The following TRAPPC9 variants were observed in gnomAD, a reference collection of about 807,000 sequenced individuals.
The protein encoded by TRAPPC9 is trafficking protein particle complex subunit 9.
A neutral mutation model predicts 124.0 loss-of-function variants in TRAPPC9; 83 were observed. That is an observed-to-expected ratio of 0.67 (90% confidence interval 0.56 to 0.80). The LOEUF is 0.80. Ranked by LOEUF, TRAPPC9 falls within the 30% of genes least tolerant of loss-of-function variation. The pLI is 0.00. For missense variants in TRAPPC9, 1,302 were observed against 1,508.3 expected, an observed-to-expected ratio of 0.86 and a Z score of 2.27; for synonymous variants, 638 against 617.5, an observed-to-expected ratio of 1.03 and a Z score of -0.49.
At chr8:140,036,726 G>A (rs1157822118) in intron 17 of TRAPPC9, among the ~76,000 whole-genome samples, 1 of 152,224 alleles carries the variant, frequency 6.6e-6, no homozygotes, top group African/African-American at 2.4e-5. Flanking sequence ...GAGCCCATCT[G>A]TCCAGAGAGA....
At chr8:139,770,640 G>A (rs1215404919) in intron 21 of TRAPPC9, among the ~76,000 whole-genome samples, 4 of 152,222 alleles carry the variant, frequency 2.6e-5, no homozygotes, top group East Asian at 3.8e-4. Context: ...GGAAACCATG[G>A]CAGATGCTCT....
chr8:140,353,746 T>G lies in TRAPPC9; in HGVS notation c.1495+6304A>C, dbSNP rs547985226. On this transcript the variant is annotated intron_variant, in intron 9 of 22. Transcript: ENST00000438773. This position sits in a 1 kb window ranked among gnomAD's most constrained non-coding sequence, Gnocchi z 4.2. ...TTAAAATTGCCAGTTAGAAGAAATA[T>G]CCATTTGGTAGCATAGTAGAAGGTG... Among the ~76,000 whole-genome samples, 1 of 152,268 alleles carries G rather than the reference T, an allele frequency of 6.6e-6. No individual in the cohort carries two copies. Among genetic ancestry groups the G allele is most frequent in the East Asian group, 1.9e-4 (1 of 5,180 alleles).
Position 140,000,464 on chromosome 8 carries a change from A to C in TRAPPC9, c.2700-11628T>G, listed in dbSNP as rs537604827. Among the ~76,000 whole-genome samples, 5 of 152,372 alleles carry C rather than the reference A, an allele frequency of 3.3e-5. No individual in the cohort carries two copies. In the South Asian group the frequency reaches 8.3e-4, roughly 25 times the overall value. On this transcript the variant is annotated intron_variant, in intron 18 of 22. Coordinates refer to ENST00000438773, the MANE Select transcript of TRAPPC9 (RefSeq NM_001160372.4). ...ACAGGCAACCTACAGAATGGGAGAA[A>C]ATTTTTGCAATCTACCTATCTGACA... is the stretch of plus-strand genomic sequence containing the variant.
At chr8:140,113,445 C>A (rs931973749) in intron 17 of TRAPPC9, among the ~76,000 whole-genome samples, 4 of 152,242 alleles carry the variant, frequency 2.6e-5, no homozygotes, top group African/African-American at 9.6e-5. Flanking sequence ...GCAGGATGAA[C>A]TGTTTTAAAA....
upstream of TRAPPC9, chr8:140,458,306 A>C: frequency 6.4e-7 from 1 of 1,565,172 alleles, no homozygotes; most frequent in Non-Finnish European, 8.7e-7. Context: ...CGCAGCTCAA[A>C]TTTCACTTCC....
At chr8:140,358,710 G>A (rs181797173) in intron 9 of TRAPPC9, among the ~76,000 whole-genome samples, 2 of 152,176 alleles carry the variant, frequency 1.3e-5, no homozygotes, top group African/African-American at 2.4e-5. Context: ...CTGAGGGAGT[G>A]GGGTCGCCAC....
At chr8:139,731,845 C>T (rs2129932658) in intron 22 of TRAPPC9, 134 bp downstream of exon 22, 2 of 820,120 alleles carry the variant, frequency 2.4e-6, no homozygotes, top group South Asian at 3.0e-5. Flanking sequence ...ACTCAGTGTG[C>T]ACACGTGACC....
At chr8:140,442,840 T>A (rs2071072214) in intron 2 of TRAPPC9, among the ~76,000 whole-genome samples, 1 of 151,500 alleles carries the variant, frequency 6.6e-6, no homozygotes, top group African/African-American at 2.4e-5. Context: ...TTACACAGTT[T>A]AAGAAGTCTT....
chr8:140,138,220 T>C (rs2061334306), intron 17 of TRAPPC9, among the ~76,000 whole-genome samples: 1 of 152,132 alleles, frequency 6.6e-6, no homozygotes, highest in African/African-American at 2.4e-5. Context: ...AAGAATCACT[T>C]GAATCTGGGA....
chr8:139,936,622 C>T (rs545961510), intron 19 of TRAPPC9, among the ~76,000 whole-genome samples: 17 of 152,230 alleles, frequency 1.1e-4, no homozygotes, highest in Admixed American at 2.6e-4. Flanking sequence ...ACACACAGGA[C>T]GAGTGGGCAC....
intron 16 of TRAPPC9, among the ~76,000 whole-genome samples, chr8:140,227,659 A>T (rs758319348): frequency 3.9e-5 from 6 of 152,230 alleles, no homozygotes; most frequent in Non-Finnish European, 8.8e-5. Flanking sequence ...CTGAAAGCAG[A>T]ATTTGTGCAG....
At chr8:139,773,018 C>T (rs989188190) in intron 21 of TRAPPC9, among the ~76,000 whole-genome samples, 5 of 152,256 alleles carry the variant, frequency 3.3e-5, no homozygotes, top group African/African-American at 1.2e-4. Context: ...GTGTTCCTTT[C>T]CAGCCTAAAG....
chr8:139,761,880 T>G (rs992860957), intron 21 of TRAPPC9, among the ~76,000 whole-genome samples: 1 of 151,588 alleles, frequency 6.6e-6, no homozygotes, highest in African/African-American at 2.4e-5. Flanking sequence ...CATCTGCTTC[T>G]TCTGCTTGTC....
At chr8:140,093,330 T>C (rs1398192074) in intron 17 of TRAPPC9, among the ~76,000 whole-genome samples, 1 of 152,186 alleles carries the variant, frequency 6.6e-6, no homozygotes, top group East Asian at 1.9e-4. Context: ...TCCCAGCAGA[T>C]GGTGACCTGA....
intron 17 of TRAPPC9, among the ~76,000 whole-genome samples, chr8:140,220,794 G>A (rs1267936407): frequency 6.6e-6 from 1 of 152,178 alleles, no homozygotes; most frequent in Non-Finnish European, 1.5e-5. Flanking sequence ...CCAAAGGCTG[G>A]TCCTGAACAC....
chr8:140,032,948 G>C (rs902307666), intron 17 of TRAPPC9, among the ~76,000 whole-genome samples: 1 of 152,150 alleles, frequency 6.6e-6, no homozygotes, highest in East Asian at 1.9e-4. Flanking sequence ...GAATCTCAAT[G>C]TAGTTTCATT....
chr8:139,776,997 A>G lies in TRAPPC9; in HGVS notation c.3056-44795T>C, dbSNP rs1034481753. Among the ~76,000 whole-genome samples the G allele has an allele frequency of 5.9e-5, 9 of 152,110 alleles. No individual in the cohort carries two copies. The highest frequency in any genetic ancestry group is 5.2e-4 in the Admixed American group (8 of 15,284). On this transcript the variant is annotated intron_variant, in intron 21 of 22. Coordinates refer to ENST00000438773, the MANE Select transcript of TRAPPC9 (RefSeq NM_001160372.4). This position sits in a 1 kb window ranked among gnomAD's most constrained non-coding sequence, Gnocchi z 4.1. ...GCAGAGTCATTCTTGAACTAGCCCCAAACACTGAGGTTCCAGCCACACTAG... is the reference window on the plus strand; with the variant it reads ...GCAGAGTCATTCTTGAACTAGCCCCGAACACTGAGGTTCCAGCCACACTAG...
chr8:139,918,467 T>C (rs777707770), intron 19 of TRAPPC9, among the ~76,000 whole-genome samples: 4 of 152,208 alleles, frequency 2.6e-5, no homozygotes, highest in Non-Finnish European at 5.9e-5. Flanking sequence ...AGAGGTGCAC[T>C]GAGTTCATAT....
chr8:140,449,867 A>T (rs2071394244), intron 2 of TRAPPC9, among the ~76,000 whole-genome samples: 3 of 152,360 alleles, frequency 2.0e-5, no homozygotes, highest in South Asian at 2.1e-4. Context: ...AGACTGAATA[A>T]AACTGTTCAA....
Sources: gnomAD v4.1 joint callset for allele counts (sites outside exome capture counted in the v4.1 genomes callset) on GRCh38, gnomAD v4.1.1 for gene constraint, Gnocchi (gnomAD v3.1) non-coding constraint, MANE v1.5 for transcripts, NCBI Gene and HGNC (gene_info 2026-07-23, HGNC 2026-07-21) for gene names.